The following FAM135B variants were observed in gnomAD, a reference collection of about 807,000 sequenced individuals.
The protein encoded by FAM135B is family with sequence similarity 135 member B, also known as protein FAM135B.
Under a neutral mutation model 127.7 loss-of-function variants are expected in FAM135B, and 43 were observed. That is an observed-to-expected ratio of 0.34 (90% CI 0.26 to 0.43). The LOEUF (loss-of-function observed/expected upper bound fraction) is 0.43, where lower values mean the gene tolerates loss of function less well. Among genes scored for constraint, FAM135B ranks in the 20% least tolerant of loss-of-function variants. The pLI is 1.00. For missense variants in FAM135B, 1,558 were observed against 1,725.6 expected (o/e 0.90, Z 1.72); for synonymous variants, 670 against 665.1 (o/e 1.01, Z -0.11).
chr8:138,259,724 A>AAAG (rs1822394210), intron 4 of FAM135B, among the ~76,000 whole-genome samples: 1 of 152,160 alleles, frequency 6.6e-6, no homozygotes, highest in South Asian at 2.1e-4. Context: ...GCCTTCTCTA[A>AAAG]GTCACTGTAT....
At chr8:138,226,979 G>T (rs1188604624) in intron 7 of FAM135B, among the ~76,000 whole-genome samples, 2 of 152,182 alleles carry the variant, frequency 1.3e-5, no homozygotes, top group Non-Finnish European at 2.9e-5. Flanking sequence ...TTGCAGGCGT[G>T]AGCCACCACA....
At chr8:138,488,869 G>T (rs1303464909) in intron 1 of FAM135B, among the ~76,000 whole-genome samples, 1 of 152,186 alleles carries the variant, frequency 6.6e-6, no homozygotes, top group East Asian at 1.9e-4. Flanking sequence ...GTTTCACCAT[G>T]TTGGCCAGTA....
chr8:138,211,879 T>C (rs894817637), intron 7 of FAM135B, among the ~76,000 whole-genome samples: 8 of 151,896 alleles, frequency 5.3e-5, no homozygotes, highest in African/African-American at 1.9e-4. Flanking sequence ...ACCAGCCTGG[T>C]CAACATGGTG....
chr8:138,372,920 G>T (rs1831236515), intron 1 of FAM135B, among the ~76,000 whole-genome samples: 1 of 152,140 alleles, frequency 6.6e-6, no homozygotes, highest in South Asian at 2.1e-4. Context: ...ATCACTGGGA[G>T]TATGCAGACA....
intron 5 of FAM135B, among the ~76,000 whole-genome samples, chr8:138,256,028 A>G (rs755197476): frequency 1.3e-5 from 2 of 152,188 alleles, no homozygotes; most frequent in Non-Finnish European, 2.9e-5. Flanking sequence ...CAACAGAAAG[A>G]AGTTATACAA....
chr8:138,426,006 T>C (rs79217054), intron 1 of FAM135B, among the ~76,000 whole-genome samples: 1,368 of 18,106 alleles, frequency 0.076, 65 homozygotes, highest in Admixed American at 0.14. Flanking sequence ...TATATATATA[T>C]ATATATACAC....
At chr8:138,149,808 T>A (rs537863062) in intron 13 of FAM135B, among the ~76,000 whole-genome samples, 9 of 152,204 alleles carry the variant, frequency 5.9e-5, no homozygotes, top group African/African-American at 1.4e-4. Context: ...CACGCGCACA[T>A]GAAACATCAT....
chr8:138,462,110 G>A (rs1837159286), intron 1 of FAM135B, among the ~76,000 whole-genome samples: 1 of 152,018 alleles, frequency 6.6e-6, no homozygotes, highest in African/African-American at 2.4e-5. Context: ...AAACAAAGTA[G>A]AAATGAGAAG....
intron 1 of FAM135B, among the ~76,000 whole-genome samples, chr8:138,375,133 C>CA (rs11465051): frequency 0.047 from 6,881 of 147,174 alleles, 279 homozygotes; most frequent in East Asian, 0.17. Flanking sequence ...CCAGCTCTGG[C>CA]AAAAAAAAAA....
At chr8:138,338,202 A>G (rs1186744801) in intron 2 of FAM135B, among the ~76,000 whole-genome samples, 5 of 152,068 alleles carry the variant, frequency 3.3e-5, no homozygotes, top group Non-Finnish European at 7.4e-5. Flanking sequence ...GGCATAGGCA[A>G]GGACTTCATG....
At chr8:138,305,734 C>T (rs968402874) in intron 3 of FAM135B, among the ~76,000 whole-genome samples, 25 of 152,262 alleles carry the variant, frequency 1.6e-4, no homozygotes, top group Non-Finnish European at 3.2e-4. Context: ...ATTTGTTGAA[C>T]TCAGATAAAT....
chr8:138,201,628 C>T (rs1817127760), intron 7 of FAM135B, among the ~76,000 whole-genome samples: 1 of 152,130 alleles, frequency 6.6e-6, no homozygotes, highest in Non-Finnish European at 1.5e-5. Flanking sequence ...ATTAGAATTG[C>T]ATGAAGAGCA....
intron 1 of FAM135B, among the ~76,000 whole-genome samples, chr8:138,468,455 A>T (rs955416133): frequency 8.5e-5 from 13 of 152,108 alleles, no homozygotes; most frequent in African/African-American, 2.9e-4. Flanking sequence ...AAGACAATCA[A>T]TTTCATTATG....
rs954339904 is a variant in FAM135B, at chr8:138,165,682, A to C, written c.1258+2213T>G. Among the ~76,000 whole-genome samples, 7 of 152,242 alleles carry C rather than the reference A, an allele frequency of 4.6e-5. No homozygotes were observed. The South Asian group carries it at 1.4e-3, about 32-fold the overall frequency. On this transcript the variant is annotated intron_variant, in intron 12 of 19. Coordinates refer to ENST00000395297, the MANE Select transcript of FAM135B (RefSeq NM_015912.4). Reference sequence around the variant, plus strand: ...AAGATGCACTTACATATTAATATACATGCATACCTATGTATGCATACATAC... The same window carrying C: ...AAGATGCACTTACATATTAATATACCTGCATACCTATGTATGCATACATAC...
intron 1 of FAM135B, among the ~76,000 whole-genome samples, chr8:138,374,936 C>T (rs1369751622): frequency 6.6e-6 from 1 of 152,062 alleles, no homozygotes; most frequent in South Asian, 2.1e-4. Flanking sequence ...CAGTTTTTCC[C>T]AACATTTGTT....
intron 11 of FAM135B, among the ~76,000 whole-genome samples, chr8:138,172,019 A>T (rs10107020): frequency 6.6e-6 from 1 of 151,994 alleles, no homozygotes; most frequent in African/African-American, 2.4e-5. Flanking sequence ...TGCATGCACA[A>T]GTGCATGTTT....
At chr8:138,183,856 C>A (rs547663221) in intron 9 of FAM135B, among the ~76,000 whole-genome samples, 1 of 152,310 alleles carries the variant, frequency 6.6e-6, no homozygotes, top group African/African-American at 2.4e-5. Flanking sequence ...TTTGGAGACA[C>A]GTTTTGCAGT....
chr8:138,414,621 T>C (rs1041973011), intron 1 of FAM135B, among the ~76,000 whole-genome samples: 1 of 152,142 alleles, frequency 6.6e-6, no homozygotes, highest in Non-Finnish European at 1.5e-5. Context: ...AATTTGGCCA[T>C]GAATAGTAGC....
chr8:138,492,305 G>A (rs1243574405), intron 1 of FAM135B, among the ~76,000 whole-genome samples: 1 of 152,050 alleles, frequency 6.6e-6, no homozygotes, highest in Non-Finnish European at 1.5e-5. Context: ...TGTGAGATAG[G>A]AAGCAATCTG....
Sources: allele counts gnomAD v4.1 joint callset (sites outside exome capture counted in the v4.1 genomes callset), GRCh38; gene constraint gnomAD v4.1.1; transcripts MANE v1.5; gene names NCBI Gene and HGNC (gene_info 2026-07-23, HGNC 2026-07-21).